The following LIN9 variants were observed in gnomAD, a reference collection of about 807,000 sequenced individuals.
The protein encoded by LIN9 is protein lin-9 homolog.
Under a neutral mutation model 78.0 loss-of-function variants are expected in LIN9, and 18 were observed. The observed-to-expected ratio is 0.23, with a 90% CI of 0.16 to 0.34. The LOEUF (loss-of-function observed/expected upper bound fraction) is 0.34, where lower values mean the gene tolerates loss of function less well. Ranked by LOEUF, LIN9 falls within the 10% of genes least tolerant of loss-of-function variation. The pLI, the probability that LIN9 is intolerant of heterozygous loss-of-function variation, is 1.00. For synonymous variants in LIN9, 192 were observed against 215.2 expected (o/e 0.89, Z 0.94); for missense variants, 451 against 644.1 (o/e 0.70, Z 3.25).
chr1:226,236,820 G>A (rs1443651571), intron 12 of LIN9, among the ~76,000 whole-genome samples: 1 of 152,254 alleles, frequency 6.6e-6, no homozygotes, highest in East Asian at 1.9e-4. Flanking sequence ...AGTTGTAGTC[G>A]AGTTCATTCA....
chr1:226,238,954 C>A lies in LIN9; in HGVS notation c.1245+17G>T. 1 of 1,601,576 alleles carries A rather than the reference C, an allele frequency of 6.2e-7. No homozygotes were observed. Among genetic ancestry groups the A allele is most frequent in the Non-Finnish European group, 8.5e-7 (1 of 1,174,322 alleles). On this transcript the variant is annotated intron_variant, in intron 12 of 14. Transcript: ENST00000681046. Reference sequence around the variant, plus strand: ...TTCAAATACAAATATGGAGGGAAATCTATACATATCACTTACCTCATAGCA... The same window carrying A: ...TTCAAATACAAATATGGAGGGAAATATATACATATCACTTACCTCATAGCA...
At chr1:226,251,014 C>A in intron 10 of LIN9, 95 bp from the exon 11 acceptor site, 2 of 633,200 alleles carry the variant, frequency 3.2e-6, no homozygotes, top group South Asian at 1.8e-5. Context: ...GATACTTCAG[C>A]AATAGATTTT....
intron 1 of LIN9, among the ~76,000 whole-genome samples, chr1:226,304,710 G>A (rs184237438): frequency 7.9e-5 from 12 of 152,244 alleles, no homozygotes; most frequent in Admixed American, 1.3e-4. Context: ...GAAGGGAGGA[G>A]GGGTGACTGT....
At chr1:226,306,250 G>A (rs535496284) in intron 1 of LIN9, among the ~76,000 whole-genome samples, 5 of 152,082 alleles carry the variant, frequency 3.3e-5, no homozygotes, top group Non-Finnish European at 7.4e-5. Context: ...GCTTGAACCC[G>A]GGAGGCGGAG....
At chr1:226,309,234 C>G (rs535903783), upstream of LIN9, 7 of 1,397,528 alleles carry the variant, frequency 5.0e-6, no homozygotes, top group South Asian at 1.6e-5. Flanking sequence ...ATGCGGAGCT[C>G]GCTGCCCGCG....
intron 10 of LIN9, among the ~76,000 whole-genome samples, chr1:226,255,735 T>C (rs1008917406): frequency 6.6e-6 from 1 of 152,110 alleles, no homozygotes; most frequent in Non-Finnish European, 1.5e-5. Context: ...GGATATATTA[T>C]TTATTTTTCT....
chr1:226,261,929 G>A (rs1415399323), intron 10 of LIN9, among the ~76,000 whole-genome samples: 1 of 152,166 alleles, frequency 6.6e-6, no homozygotes, highest in Non-Finnish European at 1.5e-5. Flanking sequence ...AAATAAAATA[G>A]ATCAATGGAA....
chr1:226,250,089 G>C (rs1401619971), intron 11 of LIN9, among the ~76,000 whole-genome samples: 1 of 151,566 alleles, frequency 6.6e-6, no homozygotes, highest in Non-Finnish European at 1.5e-5. Flanking sequence ...CGAATCACTT[G>C]AACCCGGGAG....
chr1:226,274,966 CAG>C (rs907536996), intron 7 of LIN9, among the ~76,000 whole-genome samples: 14 of 152,162 alleles, frequency 9.2e-5, no homozygotes, highest in Admixed American at 6.6e-4. Flanking sequence ...TGAGTCATCT[CAG>C]AGTCTATCTC....
At chr1:226,248,959 C>T (rs1272346618) in intron 11 of LIN9, among the ~76,000 whole-genome samples, 1 of 152,142 alleles carries the variant, frequency 6.6e-6, no homozygotes, top group African/African-American at 2.4e-5. Flanking sequence ...AAAACGGTCT[C>T]TGGGAATACA....
At chr1:226,244,048 G>C (rs1326526495) in intron 11 of LIN9, among the ~76,000 whole-genome samples, 1 of 151,288 alleles carries the variant, frequency 6.6e-6, no homozygotes, top group Non-Finnish European at 1.5e-5. Flanking sequence ...GCTAAGTTTT[G>C]TATTTTTACT....
chr1:226,260,726 G>T (rs979192890), intron 10 of LIN9, among the ~76,000 whole-genome samples: 5 of 130,136 alleles, frequency 3.8e-5, no homozygotes, highest in African/African-American at 1.2e-4. Flanking sequence ...CTCACTGCAA[G>T]CTCCGCCTCC....
chr1:226,236,126 T>A (rs1048332209), intron 12 of LIN9, among the ~76,000 whole-genome samples: 4 of 152,144 alleles, frequency 2.6e-5, no homozygotes, highest in East Asian at 1.9e-4. Flanking sequence ...TAATATTTTT[T>A]AATTACCAAT....
chr1:226,288,965 G>A (rs907127114), intron 4 of LIN9, among the ~76,000 whole-genome samples: 4 of 152,168 alleles, frequency 2.6e-5, no homozygotes, highest in South Asian at 2.1e-4. Context: ...TATGCTGGGC[G>A]CAGTGGCTCA....
upstream of LIN9, chr1:226,309,591 G>C: frequency 8.1e-7 from 1 of 1,230,162 alleles, no homozygotes; most frequent in Non-Finnish European, 1.1e-6. Context: ...GGGTCGCATT[G>C]CCCGAGGGGG....
chr1:226,294,587 A>AC (rs202105163), intron 4 of LIN9, among the ~76,000 whole-genome samples: 6 of 151,364 alleles, frequency 4.0e-5, no homozygotes, highest in Admixed American at 6.6e-5. Context: ...AAAAAAACAA[A>AC]AAAAAAAAAA....
At chr1:226,253,802 C>T (rs1379358460) in intron 10 of LIN9, among the ~76,000 whole-genome samples, 1 of 151,922 alleles carries the variant, frequency 6.6e-6, no homozygotes, top group African/African-American at 2.4e-5. Context: ...GTAATCCTGG[C>T]TACTCAGAAG....
Position 226,250,850 on chromosome 1 carries a change from C to T in LIN9, c.1108G>A (p.Ala370Thr). The T allele has an allele frequency of 1.3e-6, 2 of 1,518,760 alleles. No homozygotes were observed. Among genetic ancestry groups the T allele is most frequent in the Non-Finnish European group, 1.8e-6 (2 of 1,107,110 alleles). The allele number at this position is 1,518,760 out of a possible 1,614,324, so 94.1% of individuals were successfully genotyped here. Residue 370 changes from alanine to threonine, a missense_variant, in exon 11 of 15, where the codon GCA becomes ACA. By Grantham distance (58) the Ala-to-Thr change is moderately conservative (BLOSUM62 0). Coordinates refer to ENST00000681046, the MANE Select transcript of LIN9 (RefSeq NM_001366245.2). The stretch of plus-strand genomic sequence containing the variant: ...AGAGAAATTCTTACCAATTTTTCTG[C>T]TTCTGTGTTCATTTCCCTTAATTTC... The part of the protein sequence containing the change: ...IKKLREMNTE[A>T]EKLKSYSMPI...
chr1:226,307,528 C>G (rs1662989642), intron 1 of LIN9, among the ~76,000 whole-genome samples: 1 of 152,086 alleles, frequency 6.6e-6, no homozygotes, highest in South Asian at 2.1e-4. Flanking sequence ...CCCAGCTATT[C>G]GGGAGGCTGA....
Sources: allele counts gnomAD v4.1 joint callset (sites outside exome capture counted in the v4.1 genomes callset), GRCh38; gene constraint gnomAD v4.1.1; transcripts MANE v1.5; gene names NCBI Gene and HGNC (gene_info 2026-07-23, HGNC 2026-07-21).